The following GNAO1 variants were observed in gnomAD, a reference collection of about 807,000 sequenced individuals.
GNAO1 encodes the protein guanine nucleotide-binding protein G(o) subunit alpha.
For synonymous variants in GNAO1, 164 were observed against 180.7 expected, an observed-to-expected ratio of 0.91 and a Z score of 0.74; for missense variants, 166 against 478.7, an observed-to-expected ratio of 0.35 and a Z score of 6.10.
chr16:56,347,756 T>TACCAA, intron 6 of GNAO1: 1 of 918,338 alleles, frequency 1.1e-6, no homozygotes, highest in African/African-American at 2.0e-5. Context: ...GTCCTCCCCT[T>TACCAA]CCCTCCCCAC....
At chr16:56,276,489 G>A (rs560244899) in intron 3 of GNAO1, 1 of 155,518 alleles carries the variant, frequency 6.4e-6, no homozygotes, top group East Asian at 1.9e-4. Context: ...AGTGAGGATA[G>A]CCATTTGAAT....
In GNAO1 at chr16:56,275,890, C is replaced by T. The variant is rs368169260; in HGVS notation, c.162-41C>T. The T allele has an allele frequency of 1.8e-5, 29 of 1,577,306 alleles. No homozygotes were observed. In the Middle Eastern group the frequency reaches 5.1e-4, roughly 28 times the overall value. Reference sequence around the variant, plus strand: ...CCTGTGCTCTCTGTGTTGATGAGGACAATGCTCTCATCAGGTGTGGTGTGT... The same window carrying T: ...CCTGTGCTCTCTGTGTTGATGAGGATAATGCTCTCATCAGGTGTGGTGTGT... On this transcript the variant is annotated intron_variant, in intron 2 of 8. Coordinates refer to ENST00000262493, the MANE Select transcript of GNAO1 (RefSeq NM_020988.3).
intron 2 of GNAO1, among the ~76,000 whole-genome samples, chr16:56,212,003 A>G (rs2036393562): frequency 1.3e-5 from 2 of 152,200 alleles, no homozygotes; most frequent in Admixed American, 6.5e-5. Flanking sequence ...ACAAACTGCA[A>G]ACTTCAGCCT....
At chr16:56,303,741 G>T (rs1484082323) in intron 3 of GNAO1, among the ~76,000 whole-genome samples, 4 of 152,106 alleles carry the variant, frequency 2.6e-5, no homozygotes, top group African/African-American at 9.7e-5. Context: ...CCCAGCTCTT[G>T]TCCCCGGCAG....
chr16:56,276,978 A>C (rs2037066198), intron 3 of GNAO1: 1 of 152,188 alleles, frequency 6.6e-6, no homozygotes, highest in African/African-American at 2.4e-5. Context: ...TCTATTATAC[A>C]CATGTCCTGT....
rs538828446 is a variant in GNAO1 at position 56,220,497 on chromosome 16, C to T, written c.161+27881C>T. On this transcript the variant is annotated intron_variant, in intron 2 of 8. Transcript: ENST00000262493. ...CTGAGGTTCTTAATGTCTTTTGGGTCACAAACCCCTATGAGAAACTGATGG... is the reference window on the plus strand; with the variant it reads ...CTGAGGTTCTTAATGTCTTTTGGGTTACAAACCCCTATGAGAAACTGATGG... Among the ~76,000 whole-genome samples the T allele has an allele frequency of 2.0e-5, 3 of 152,126 alleles. No homozygotes were observed. The South Asian group carries it at 6.2e-4, about 32-fold the overall frequency.
intron 3 of GNAO1, among the ~76,000 whole-genome samples, chr16:56,281,681 C>T (rs1210064255): frequency 1.3e-5 from 2 of 152,094 alleles, no homozygotes; most frequent in African/African-American, 4.8e-5. Context: ...CCAAGCTCTC[C>T]CCCTCCTCCT....
chr16:56,305,772 G>C (rs2037388980), intron 3 of GNAO1, among the ~76,000 whole-genome samples: 1 of 152,150 alleles, frequency 6.6e-6, no homozygotes, highest in African/African-American at 2.4e-5. Flanking sequence ...CAGGGTGCTG[G>C]CAGGGTTGGT....
At chr16:56,343,964 G>C (rs1449516627) in intron 6 of GNAO1, 2 of 1,611,424 alleles carry the variant, frequency 1.2e-6, no homozygotes, top group Admixed American at 1.7e-5. Context: ...CAGCCGCCCT[G>C]CCCGGCACCC....
chr16:56,272,526 G>A (rs1314598445), intron 2 of GNAO1, among the ~76,000 whole-genome samples: 1 of 152,188 alleles, frequency 6.6e-6, no homozygotes. Context: ...TGCAAATGAA[G>A]CTTCTTTATC....
intron 3 of GNAO1, among the ~76,000 whole-genome samples, chr16:56,292,002 T>C (rs1265586803): frequency 6.6e-6 from 1 of 152,218 alleles, no homozygotes; most frequent in Non-Finnish European, 1.5e-5. Context: ...GACACAGATA[T>C]TCTGACCATA....
At chr16:56,282,129 T>G (rs1472781418) in intron 3 of GNAO1, among the ~76,000 whole-genome samples, 2 of 127,086 alleles carry the variant, frequency 1.6e-5, no homozygotes, top group Non-Finnish European at 3.5e-5. Flanking sequence ...TCTAGCACAA[T>G]GCCTAATACA....
intron 2 of GNAO1, among the ~76,000 whole-genome samples, chr16:56,249,301 C>T (rs1458404976): frequency 1.3e-5 from 2 of 152,174 alleles, no homozygotes; most frequent in Non-Finnish European, 2.9e-5. Flanking sequence ...CTCGAAGCTG[C>T]ATATGGCTCC....
Position 56,281,926 on chromosome 16 carries a change from C to T in GNAO1, c.303+5854C>T, listed in dbSNP as rs529251583. Among the ~76,000 whole-genome samples, 3 of 152,266 alleles carry T rather than the reference C, an allele frequency of 2.0e-5. No homozygotes were observed. In the South Asian group the frequency reaches 6.2e-4, roughly 32 times the overall value. On this transcript the variant is annotated intron_variant, in intron 3 of 8. Transcript: ENST00000262493. Reference sequence around the variant, plus strand: ...TCTATATAAACATATGTAAAATATACGTGTGTATGTATGTACATCCTTGCA... The same window carrying T: ...TCTATATAAACATATGTAAAATATATGTGTGTATGTATGTACATCCTTGCA...
chr16:56,315,933 C>T (rs1156895712), intron 3 of GNAO1, among the ~76,000 whole-genome samples: 2 of 152,016 alleles, frequency 1.3e-5, no homozygotes, highest in African/African-American at 4.8e-5. Flanking sequence ...GTGGCGGGCA[C>T]CTGTAATCCC....
At chr16:56,341,458 T>C (rs2037802652) in intron 6 of GNAO1, among the ~76,000 whole-genome samples, 1 of 152,180 alleles carries the variant, frequency 6.6e-6, no homozygotes, top group African/African-American at 2.4e-5. Flanking sequence ...CTCGCCTCCC[T>C]CACCAGGTGC....
chr16:56,283,639 G>T (rs2037135377), intron 3 of GNAO1, among the ~76,000 whole-genome samples: 1 of 152,202 alleles, frequency 6.6e-6, no homozygotes, highest in Non-Finnish European at 1.5e-5. Flanking sequence ...TATCTGGCCT[G>T]TGTCTCCCTG....
chr16:56,317,414 C>T (rs2037523124), intron 3 of GNAO1, among the ~76,000 whole-genome samples: 1 of 152,200 alleles, frequency 6.6e-6, no homozygotes, highest in African/African-American at 2.4e-5. Flanking sequence ...CCTTAAGGCC[C>T]AGACCCCACT....
intron 2 of GNAO1, among the ~76,000 whole-genome samples, chr16:56,211,423 C>T (rs895993239): frequency 6.6e-6 from 1 of 152,160 alleles, no homozygotes; most frequent in African/African-American, 2.4e-5. Context: ...CCTCCTACCT[C>T]CAGCTATGCC....
Sources: allele counts gnomAD v4.1 joint callset (sites outside exome capture counted in the v4.1 genomes callset), GRCh38; gene constraint gnomAD v4.1.1; transcripts MANE v1.5; gene names NCBI Gene and HGNC (gene_info 2026-07-23, HGNC 2026-07-21).